Variants in RPAP2 observed in about 807,000 individuals in gnomAD.
RPAP2 encodes RNA polymerase II associated protein 2.
RPAP2 carries 52 observed loss-of-function variants against 73.1 expected under a neutral mutation model. The observed-to-expected ratio is 0.71, with a 90% CI of 0.57 to 0.90. The LOEUF is 0.90. Ranked by LOEUF, RPAP2 falls within the 40% of genes least tolerant of loss-of-function variation. The pLI, the probability that RPAP2 is intolerant of heterozygous loss-of-function variation, is 0.00. For missense variants in RPAP2, 598 were observed against 701.8 expected, an observed-to-expected ratio of 0.85 and a Z score of 1.67; for synonymous variants, 225 against 242.1, an observed-to-expected ratio of 0.93 and a Z score of 0.65.
intron 12 of RPAP2, among the ~76,000 whole-genome samples, chr1:92,382,469 G>A (rs1260987864): frequency 6.6e-6 from 1 of 152,054 alleles, no homozygotes; most frequent in African/African-American, 2.4e-5. Context: ...ATTCTAACTG[G>A]TGTGAGATGG....
At position 92,398,526 on chromosome 1, in the gene RPAP2, C is replaced by T. The variant is rs1656241333; in HGVS notation, c.*11515C>T. On this transcript the variant is annotated 3_prime_UTR_variant, in exon 13 of 13. Transcript: ENST00000610020. Reference sequence around the variant, plus strand: ...TCTGAAATCTGAAAATCTTTAGTAGCCTCACATTATAAGCCCTTCGTAGAA... The same window carrying T: ...TCTGAAATCTGAAAATCTTTAGTAGTCTCACATTATAAGCCCTTCGTAGAA... 1 of 152,150 alleles carries T rather than the reference C, an allele frequency of 6.6e-6. No individual in the cohort carries two copies. The highest frequency in any genetic ancestry group is 2.4e-5 in the African/African-American group (1 of 41,438). The allele number at this position is 152,150 out of a possible 1,614,324, so 9.4% of individuals were successfully genotyped here.
Position 92,380,850 on chromosome 1 carries a change from T to C in RPAP2, c.1815T>C (p.Phe605=). The C allele has an allele frequency of 3.1e-6, 5 of 1,588,064 alleles. No homozygotes were observed. The highest frequency in any genetic ancestry group is 4.3e-6 in the Non-Finnish European group (5 of 1,171,542). ...NEDLESLTII[F]RTSCLPE Reference sequence around the variant, plus strand: ...ACCTTGAAAGTCTAACCATCATATTTAGAACCAGCTGTTTACCAGAGTGGT... The same window carrying C: ...ACCTTGAAAGTCTAACCATCATATTCAGAACCAGCTGTTTACCAGAGTGGT... The change falls in exon 12 of 13, where the codon TTT becomes TTC. Residue 605 remains phenylalanine (F), a synonymous_variant. Coordinates refer to ENST00000610020, the MANE Select transcript of RPAP2 (RefSeq NM_024813.3).
chr1:92,299,634 G>T (rs2101088935), intron 1 of RPAP2, among the ~76,000 whole-genome samples: 1 of 152,250 alleles, frequency 6.6e-6, no homozygotes, highest in Admixed American at 6.5e-5. Flanking sequence ...GGTTAATTAA[G>T]CAACTATGAT....
intron 8 of RPAP2, among the ~76,000 whole-genome samples, chr1:92,326,059 G>A (rs1020269236): frequency 2.6e-5 from 4 of 151,654 alleles, no homozygotes; most frequent in Admixed American, 6.6e-5. Context: ...TGGGAATGGT[G>A]GGTTATCGTA....
intron 10 of RPAP2, among the ~76,000 whole-genome samples, chr1:92,344,036 T>A (rs1653742473): frequency 6.6e-6 from 1 of 152,222 alleles, no homozygotes; most frequent in South Asian, 2.1e-4. Flanking sequence ...GAAGTAGATG[T>A]GTATCCTTCT....
In RPAP2 at chr1:92,396,809, T is replaced by A. The variant is rs1347648440; in HGVS notation, c.*9798T>A. The A allele has an allele frequency of 1.3e-5, 2 of 152,140 alleles. No homozygotes were observed. Among genetic ancestry groups the A allele is most frequent in the African/African-American group, 4.8e-5 (2 of 41,414 alleles). 9.4% of individuals were successfully genotyped at this position (152,140 alleles called of 1,614,324 possible). ...GCATGTGCCACCATGCCCGGCTAAT[T>A]TTGTATTTTTAGTAGAGACAGGTTT... On this transcript the variant is annotated 3_prime_UTR_variant, in exon 13 of 13. Coordinates refer to ENST00000610020, the MANE Select transcript of RPAP2 (RefSeq NM_024813.3).
rs987241175 is a variant in RPAP2, at chr1:92,394,725, A to G, written c.*7714A>G. On this transcript the variant is annotated 3_prime_UTR_variant, in exon 13 of 13. Coordinates refer to ENST00000610020, the MANE Select transcript of RPAP2 (RefSeq NM_024813.3). ...AATGTAGACACAATCCATGTTCATG[A>G]ATTGGAAGATCAAATGTTGTTAAGA... is the stretch of plus-strand genomic sequence containing the variant. 2.0e-5 allele frequency: 3 copies of G among 152,228 alleles called. No individual in the cohort carries two copies. The highest frequency in any genetic ancestry group is 7.2e-5 in the African/African-American group (3 of 41,458). 9.4% of individuals were successfully genotyped at this position (152,228 alleles called of 1,614,324 possible). A position where few individuals can be genotyped will look rare whatever the true frequency, so the allele number is the denominator to read the frequency against.
At chr1:92,367,701 C>T (rs1354101827) in intron 11 of RPAP2, among the ~76,000 whole-genome samples, 1 of 152,168 alleles carries the variant, frequency 6.6e-6, no homozygotes, top group Non-Finnish European at 1.5e-5. Flanking sequence ...TGGCCTTTCA[C>T]TTCCTGTCCC....
chr1:92,320,811 G>A (rs1652209915), intron 7 of RPAP2, among the ~76,000 whole-genome samples, 177 bp downstream of exon 7: 3 of 152,188 alleles, frequency 2.0e-5, no homozygotes, highest in African/African-American at 7.2e-5. Flanking sequence ...GTGATGGTAA[G>A]ATGATGTGTT....
intron 8 of RPAP2, among the ~76,000 whole-genome samples, chr1:92,329,746 T>C (rs1652850908): frequency 6.6e-6 from 1 of 152,124 alleles, no homozygotes; most frequent in South Asian, 2.1e-4. Flanking sequence ...TAAACTCAAC[T>C]TGATTGAGCT....
intron 6 of RPAP2, among the ~76,000 whole-genome samples, chr1:92,310,368 G>C (rs889422258): frequency 6.6e-6 from 1 of 152,096 alleles, no homozygotes; most frequent in African/African-American, 2.4e-5. Flanking sequence ...AGCTTGTCTA[G>C]CTATTGCACA....
At chr1:92,386,627 T>C (rs145471701) in intron 12 of RPAP2, among the ~76,000 whole-genome samples, 107 of 152,272 alleles carry the variant, frequency 7.0e-4, no homozygotes, top group African/African-American at 2.3e-3. Flanking sequence ...GGGGAAGAAA[T>C]TGAATGAATA....
At chr1:92,324,723 A>G (rs1652524808) in intron 8 of RPAP2, among the ~76,000 whole-genome samples, 1 of 152,198 alleles carries the variant, frequency 6.6e-6, no homozygotes, top group South Asian at 2.1e-4. Flanking sequence ...AGATTTTTAC[A>G]TGGGGTCTGT....
intron 11 of RPAP2, among the ~76,000 whole-genome samples, chr1:92,351,456 A>G (rs1345448445): frequency 6.6e-6 from 1 of 152,118 alleles, no homozygotes; most frequent in African/African-American, 2.4e-5. Flanking sequence ...GTAAAGAATC[A>G]CTTTTAATCA....
intron 11 of RPAP2, among the ~76,000 whole-genome samples, chr1:92,371,881 C>A (rs1655169730): frequency 7.6e-6 from 1 of 130,754 alleles, no homozygotes; most frequent in Admixed American, 7.6e-5. Context: ...GACAGTGAGA[C>A]CCTGTCTCAA....
intron 11 of RPAP2, among the ~76,000 whole-genome samples, chr1:92,364,735 G>T (rs1654868937): frequency 6.6e-6 from 1 of 151,970 alleles, no homozygotes; most frequent in Non-Finnish European, 1.5e-5. Flanking sequence ...CCCACATTAG[G>T]CCTTCATTAC....
chr1:92,304,212 A>T lies in RPAP2; in HGVS notation c.334-72A>T, dbSNP rs897654261. 5.9e-6 allele frequency: 7 copies of T among 1,184,304 alleles called. No homozygotes were observed. The African/African-American group carries it at 9.2e-5, about 16-fold the overall frequency. 73.4% of individuals were successfully genotyped at this position (1,184,304 alleles called of 1,614,324 possible). On this transcript the variant is annotated intron_variant, in intron 4 of 12. Coordinates refer to ENST00000610020, the MANE Select transcript of RPAP2 (RefSeq NM_024813.3). ...TGGCCAATGATATGATATGTAGATG[A>T]CTTAATCTTGTAACATAACGTTCAT...
rs1259689548 is a variant in RPAP2 at position 92,303,993 on chromosome 1, C to A, written c.251C>A (p.Pro84His). The A allele has an allele frequency of 6.2e-7, 1 of 1,609,272 alleles. No individual in the cohort carries two copies. The highest frequency in any genetic ancestry group is 1.7e-5 in the Admixed American group (1 of 59,398). The stretch of plus-strand genomic sequence containing the variant: ...TCATTTTAGGGGAGGTTCATTACAC[C>A]TGCTCACTACAGTGATGTCGTGGAT... ...FLMECGRFIT[P>H]AHYSDVVDER... The change falls in exon 4 of 13, where the codon CCT becomes CAT. Residue 84 changes from proline to histidine, a missense_variant. This residue lies in a region of RPAP2 where 506 missense variants were observed against 612.8 expected (regional missense o/e 0.83). Transcript: ENST00000610020.
intron 3 of RPAP2, among the ~76,000 whole-genome samples, chr1:92,303,019 C>T (rs1489730967): frequency 7.9e-5 from 12 of 152,018 alleles, no homozygotes; most frequent in Non-Finnish European, 1.5e-4. Context: ...GACAACACAG[C>T]GAGACCCTGT....
Sources: allele counts gnomAD v4.1 joint callset (sites outside exome capture counted in the v4.1 genomes callset), GRCh38; gene constraint gnomAD v4.1.1; regional missense constraint gnomAD v4.1.1; transcripts MANE v1.5; gene names NCBI Gene and HGNC (gene_info 2026-07-23, HGNC 2026-07-21).